The following TENM2 variants were observed in gnomAD, a reference collection of about 807,000 sequenced individuals.
TENM2 encodes teneurin-2.
A neutral mutation model predicts 245.2 loss-of-function variants in TENM2; 52 were observed. The observed-to-expected ratio is 0.21, with a 90% CI of 0.17 to 0.27. The LOEUF (loss-of-function observed/expected upper bound fraction) is 0.27, where lower values mean the gene tolerates loss of function less well. Ranked by LOEUF, TENM2 falls within the 10% of genes least tolerant of loss-of-function variation. The pLI, the probability that TENM2 is intolerant of heterozygous loss-of-function variation, is 1.00. For synonymous variants in TENM2, 1,363 were observed against 1,438.9 expected, an observed-to-expected ratio of 0.95 and a Z score of 1.19; for missense variants, 3,046 against 3,666.8, an observed-to-expected ratio of 0.83 and a Z score of 4.37.
At chr5:167,276,751 T>C in the TENM2 span, among the ~76,000 whole-genome samples, 8 of 152,222 alleles carry the variant, frequency 5.3e-5, no homozygotes, top group Admixed American at 3.9e-4. Context: ...ACAATGTAAA[T>C]GCTATGTATA....
intron 3 of TENM2, among the ~76,000 whole-genome samples, chr5:167,897,008 A>G (rs1004140485): frequency 6.6e-5 from 10 of 152,212 alleles, no homozygotes; most frequent in African/African-American, 2.2e-4. Flanking sequence ...ACCACCCGAA[A>G]TGAGCTTAAC....
chr5:167,050,280 A>C, the TENM2 span, among the ~76,000 whole-genome samples: 1 of 152,196 alleles, frequency 6.6e-6, no homozygotes, highest in Non-Finnish European at 1.5e-5. Context: ...TTACATTCTC[A>C]TAAGAACCAC....
chr5:167,076,626 C>A, the TENM2 span, among the ~76,000 whole-genome samples: 1 of 152,096 alleles, frequency 6.6e-6, no homozygotes, highest in African/African-American at 2.4e-5. Flanking sequence ...TCGCTATATA[C>A]TAAATATATA....
chr5:168,238,279 GAAAAGAAAAGAAAAGAAAAGAAAAA>G (rs1424212840), intron 25 of TENM2, among the ~76,000 whole-genome samples: 4 of 147,612 alleles, frequency 2.7e-5, no homozygotes, highest in South Asian at 2.2e-4. Context: ...GAAAAGAAAA[GAAAAGAAAAGAAAAGAAAAGAAAAA>G]ATCCCAGAAG....
chr5:167,778,357 A>G (rs1395519025), intron 2 of TENM2, among the ~76,000 whole-genome samples: 1 of 152,220 alleles, frequency 6.6e-6, no homozygotes, highest in Non-Finnish European at 1.5e-5. Flanking sequence ...CTTGACAGCA[A>G]CAAAAGTATT....
intron 1 of TENM2, among the ~76,000 whole-genome samples, chr5:167,293,893 C>G (rs1302365505): frequency 6.6e-6 from 1 of 151,804 alleles, no homozygotes; most frequent in Non-Finnish European, 1.5e-5. Flanking sequence ...CTGCATCTGC[C>G]CCTTCTCTGT....
chr5:168,134,972 C>T lies in TENM2; in HGVS notation c.2422+8006C>T, dbSNP rs931621163. The stretch of plus-strand genomic sequence containing the variant: ...AAGTTTGAGGATGCTGCCTAGCCAG[C>T]GTCTTAGAACACAGCATCCTGTCTC... On this transcript the variant is annotated intron_variant, in intron 12 of 28. Coordinates refer to ENST00000518659, the Ensembl canonical transcript of TENM2. Among the ~76,000 whole-genome samples, 6 of 152,206 alleles carry T rather than the reference C, an allele frequency of 3.9e-5. No individual in the cohort carries two copies. The East Asian group carries it at 1.2e-3, about 29-fold the overall frequency.
intron 2 of TENM2, among the ~76,000 whole-genome samples, chr5:167,594,383 A>C (rs765588080): frequency 2.0e-5 from 3 of 152,210 alleles, no homozygotes; most frequent in Non-Finnish European, 4.4e-5. Flanking sequence ...CTACAAAAAT[A>C]TAATGCTTAG....
chr5:167,898,509 G>C (rs147225171), intron 3 of TENM2, among the ~76,000 whole-genome samples: 8 of 152,306 alleles, frequency 5.3e-5, no homozygotes, highest in African/African-American at 1.9e-4. Context: ...AAACTCTGAT[G>C]TAATAGGGCC....
At chr5:167,472,880 C>T (rs1767126127) in intron 2 of TENM2, among the ~76,000 whole-genome samples, 1 of 152,116 alleles carries the variant, frequency 6.6e-6, no homozygotes, top group Admixed American at 6.5e-5. Flanking sequence ...CCTAGCTGGG[C>T]CTTAGGAATA....
At chr5:168,142,770 C>T (rs1581430839) in intron 12 of TENM2, among the ~76,000 whole-genome samples, 1 of 152,308 alleles carries the variant, frequency 6.6e-6, no homozygotes, top group East Asian at 1.9e-4. Flanking sequence ...AGAGGCAACT[C>T]CTTTGGATGG....
the TENM2 span, among the ~76,000 whole-genome samples, chr5:167,085,058 TAAAG>T: frequency 1.3e-5 from 2 of 152,134 alleles, no homozygotes; most frequent in Non-Finnish European, 2.9e-5. Context: ...CCTGAAGTAA[TAAAG>T]AAATTCCTCT....
rs1019882651 is a variant in TENM2, at chr5:167,563,479, G to A, written c.502+188006G>A. 1.3e-5 allele frequency among the ~76,000 whole-genome samples: 2 copies of A among 152,208 alleles called. 1 individual carries two copies. Among genetic ancestry groups the A allele is most frequent in the East Asian group, 3.9e-4 (2 of 5,154 alleles). On this transcript the variant is annotated intron_variant, in intron 2 of 28. Transcript: ENST00000518659. Reference sequence around the variant, plus strand: ...TCTGTTTTCTGCCAAGTGATGTCTCGTAAATCTTTGTAAGTTGCACCAACT... The same window carrying A: ...TCTGTTTTCTGCCAAGTGATGTCTCATAAATCTTTGTAAGTTGCACCAACT...
At chr5:168,107,438 A>G (rs1794335966) in intron 9 of TENM2, among the ~76,000 whole-genome samples, 2 of 152,084 alleles carry the variant, frequency 1.3e-5, no homozygotes, top group Non-Finnish European at 2.9e-5. Context: ...TGGTTTAAAG[A>G]CATGGATCTG....
At chr5:167,780,954 A>G (rs1764150722) in intron 2 of TENM2, among the ~76,000 whole-genome samples, 2 of 152,242 alleles carry the variant, frequency 1.3e-5, no homozygotes, top group South Asian at 4.1e-4. Flanking sequence ...TGTTTTTTTG[A>G]CATTTTTATT....
the TENM2 span, among the ~76,000 whole-genome samples, chr5:167,178,118 A>G: frequency 6.6e-6 from 1 of 152,216 alleles, no homozygotes; most frequent in Non-Finnish European, 1.5e-5. Context: ...TCCACTTGGC[A>G]AGTGAAGGAG....
the TENM2 span, among the ~76,000 whole-genome samples, chr5:167,036,428 GCTTA>G: frequency 6.6e-6 from 1 of 152,140 alleles, no homozygotes; most frequent in Admixed American, 6.6e-5. Flanking sequence ...TTCCAATACA[GCTTA>G]CTTATAAATT....
intron 15 of TENM2, among the ~76,000 whole-genome samples, chr5:168,196,862 T>C (rs1243676737): frequency 1.3e-5 from 2 of 152,204 alleles, no homozygotes; most frequent in Non-Finnish European, 2.9e-5. Flanking sequence ...TATTTTCCCT[T>C]TCTTCTGCAT....
chr5:168,066,696 G>GA (rs199756459), intron 7 of TENM2, among the ~76,000 whole-genome samples: 2,012 of 151,372 alleles, frequency 0.013, 37 homozygotes, highest in African/African-American at 0.044. Context: ...GACACAGACA[G>GA]AAAAAAAAAG....
Sources: allele counts gnomAD v4.1 joint callset (sites outside exome capture counted in the v4.1 genomes callset), GRCh38; gene constraint gnomAD v4.1.1; transcripts MANE v1.5; gene names NCBI Gene and HGNC (gene_info 2026-07-23, HGNC 2026-07-21).